Variants in INO80 observed in about 807,000 individuals in gnomAD.
INO80 encodes INO80 complex ATPase subunit.
A neutral mutation model predicts 203.4 loss-of-function variants in INO80; 20 were observed. The ratio of observed to expected loss-of-function variants is 0.10; its 90% confidence interval spans 0.07 to 0.14. The LOEUF is 0.14. Ranked by LOEUF, INO80 falls within the 10% of genes least tolerant of loss-of-function variation. The pLI, the probability that INO80 is intolerant of heterozygous loss-of-function variation, is 1.00. For synonymous variants in INO80, 726 were observed against 685.2 expected, an observed-to-expected ratio of 1.06 and a Z score of -0.93; for missense variants, 1,419 against 1,914.4, an observed-to-expected ratio of 0.74 and a Z score of 4.83.
chr15:41,016,894 C>T (rs2044218279), intron 26 of INO80: 1 of 151,968 alleles, frequency 6.6e-6, no homozygotes. Context: ...AGGGTATTGC[C>T]ATATTGCCTA....
At chr15:41,089,555 C>T (rs958561398) in intron 5 of INO80, among the ~76,000 whole-genome samples, 1 of 152,062 alleles carries the variant, frequency 6.6e-6, no homozygotes, top group Non-Finnish European at 1.5e-5. Context: ...ACAAGCCTGA[C>T]GAACATTGAA....
intron 27 of INO80, among the ~76,000 whole-genome samples, chr15:41,012,840 A>G (rs1324933313): frequency 6.6e-6 from 1 of 152,228 alleles, no homozygotes; most frequent in East Asian, 1.9e-4. Context: ...ATTTCTGAAT[A>G]TAGTCTATTT....
intron 9 of INO80, among the ~76,000 whole-genome samples, chr15:41,075,298 T>A (rs1273826581): frequency 6.6e-6 from 1 of 150,776 alleles, no homozygotes; most frequent in Admixed American, 6.6e-5. Flanking sequence ...TTGAGACAAG[T>A]CTAACTGTGT....
chr15:41,066,846 C>CAAAAAAAAAAAAAAAAAACA (rs58118605), intron 14 of INO80, among the ~76,000 whole-genome samples: 1 of 70,606 alleles, frequency 1.4e-5, no homozygotes, highest in Non-Finnish European at 3.4e-5. Context: ...AAAAAAAAAG[C>CAAAAAAAAAAAAAAAAAACA]AAAAAAAAAA....
intron 9 of INO80, among the ~76,000 whole-genome samples, chr15:41,075,175 A>C (rs2045384290): frequency 6.6e-6 from 1 of 152,226 alleles, no homozygotes; most frequent in Non-Finnish European, 1.5e-5. Context: ...AGAGACAACA[A>C]CTAAATTCAA....
intron 9 of INO80, among the ~76,000 whole-genome samples, chr15:41,076,873 C>T (rs2045411200): frequency 6.6e-6 from 1 of 151,934 alleles, no homozygotes; most frequent in African/African-American, 2.4e-5. Context: ...ACACAGAACA[C>T]AGTATAAGTA....
intron 15 of INO80, among the ~76,000 whole-genome samples, chr15:41,059,160 C>G (rs971175111): frequency 2.0e-5 from 3 of 151,290 alleles, no homozygotes; most frequent in African/African-American, 7.3e-5. Context: ...TGGGGTCTCA[C>G]TATGTTACCC....
intron 24 of INO80, among the ~76,000 whole-genome samples, chr15:41,041,026 A>G (rs900824557): frequency 4.6e-5 from 7 of 152,180 alleles, no homozygotes; most frequent in African/African-American, 1.7e-4. Flanking sequence ...ATAAGACACC[A>G]CTACCCAACA....
intron 23 of INO80, among the ~76,000 whole-genome samples, chr15:41,046,742 C>T (rs762460476): frequency 7.2e-5 from 11 of 151,890 alleles, no homozygotes; most frequent in African/African-American, 2.7e-4. Flanking sequence ...CTCGGCCTCC[C>T]GAGTAGCTGG....
At chr15:41,064,776 C>G (rs968837172) in intron 14 of INO80, among the ~76,000 whole-genome samples, 6 of 152,052 alleles carry the variant, frequency 3.9e-5, no homozygotes, top group African/African-American at 1.4e-4. Context: ...GTAGAAGGAT[C>G]GCTTGAGCTC....
intron 29 of INO80, among the ~76,000 whole-genome samples, chr15:40,991,175 G>A (rs1048714709): frequency 5.3e-5 from 8 of 152,052 alleles, no homozygotes; most frequent in African/African-American, 1.9e-4. Flanking sequence ...TAAGGAGATG[G>A]GTTTACAATC....
In INO80 at chr15:40,980,045, G is replaced by T. The variant is rs1165399904; in HGVS notation, c.*178C>A. ...TCCTACAGGCACCCCAGATGCTCCTGATGAGACACAGATGATAAAAGTGCT... is the reference window on the plus strand; with the variant it reads ...TCCTACAGGCACCCCAGATGCTCCTTATGAGACACAGATGATAAAAGTGCT... On this transcript the variant is annotated 3_prime_UTR_variant, in exon 36 of 36. Transcript: ENST00000648947. The T allele has an allele frequency of 8.1e-6, 5 of 617,612 alleles. No homozygotes were observed. Among genetic ancestry groups the T allele is most frequent in the Non-Finnish European group, 1.4e-5 (5 of 348,768 alleles). The allele number at this position is 617,612 out of a possible 1,614,324, so 38.3% of individuals were successfully genotyped here. A position where few individuals can be genotyped will look rare whatever the true frequency, so the allele number is the denominator to read the frequency against.
intron 4 of INO80, among the ~76,000 whole-genome samples, chr15:41,093,421 TC>T (rs1284443576): frequency 6.6e-6 from 1 of 151,286 alleles, no homozygotes; most frequent in Non-Finnish European, 1.5e-5. Context: ...CAAGACTCCG[TC>T]TCAAAAAAAA....
intron 24 of INO80, among the ~76,000 whole-genome samples, chr15:41,032,063 G>GCACAGCACAGCACAGC (rs1303342631): frequency 3.4e-5 from 2 of 58,988 alleles, no homozygotes; most frequent in African/African-American, 1.2e-4. Flanking sequence ...CACAGCACAG[G>GCACAGCACAGCACAGC]ACAGCACAGG....
At chr15:41,013,580 G>T (rs980449733) in intron 27 of INO80, among the ~76,000 whole-genome samples, 2 of 152,168 alleles carry the variant, frequency 1.3e-5, no homozygotes, top group Admixed American at 1.3e-4. Flanking sequence ...TTTGGGCATT[G>T]TAATTCCATG....
chr15:41,040,303 A>G (rs2044647357), intron 24 of INO80, among the ~76,000 whole-genome samples: 2 of 152,224 alleles, frequency 1.3e-5, no homozygotes, highest in African/African-American at 4.8e-5. Flanking sequence ...AAGTCAGAGG[A>G]TCTGTGCACC....
At chr15:41,058,526 C>A (rs911537450) in intron 16 of INO80, 113 bp downstream of exon 16, 8 of 972,306 alleles carry the variant, frequency 8.2e-6, no homozygotes, top group Non-Finnish European at 1.0e-5. Context: ...CTTCTCATAT[C>A]TTGATTTTAT....
chr15:41,003,889 A>G (rs1245232044), intron 28 of INO80, among the ~76,000 whole-genome samples: 1 of 152,194 alleles, frequency 6.6e-6, no homozygotes, highest in Non-Finnish European at 1.5e-5. Flanking sequence ...GCATGACTGG[A>G]GAAAATACAG....
At chr15:41,052,013 C>T (rs1277329547) in intron 19 of INO80, among the ~76,000 whole-genome samples, 1 of 151,884 alleles carries the variant, frequency 6.6e-6, no homozygotes, top group East Asian at 1.9e-4. Flanking sequence ...GTGGTGTGCA[C>T]CTATAGTACC....
Sources: gnomAD v4.1 joint callset for allele counts (sites outside exome capture counted in the v4.1 genomes callset) on GRCh38, gnomAD v4.1.1 for gene constraint, MANE v1.5 for transcripts, NCBI Gene and HGNC (gene_info 2026-07-23, HGNC 2026-07-21) for gene names.